Variants in ROCK1 observed in about 807,000 individuals in gnomAD.
ROCK1 encodes rho-associated protein kinase 1.
In ROCK1, 36 loss-of-function variants were observed where a neutral mutation model predicts 196.8. The ratio of observed to expected loss-of-function variants is 0.18; its 90% CI spans 0.14 to 0.24. ROCK1 has a LOEUF of 0.24. Ranked by LOEUF, ROCK1 falls within the 10% of genes least tolerant of loss-of-function variation. The probability of loss-of-function intolerance (pLI) is 1.00; values close to 1 mark genes in which losing one functional copy is unlikely to be tolerated. For synonymous variants in ROCK1, 443 were observed against 515.9 expected, an observed-to-expected ratio of 0.86 and a Z score of 1.91; for missense variants, 920 against 1,562.0, an observed-to-expected ratio of 0.59 and a Z score of 6.93.
intron 9 of ROCK1, among the ~76,000 whole-genome samples, chr18:21,039,260 T>C (rs2036084279): frequency 6.6e-6 from 1 of 152,142 alleles, no homozygotes; most frequent in Admixed American, 6.5e-5. Flanking sequence ...TACATTTATA[T>C]TTCATCTGGG....
intron 16 of ROCK1, among the ~76,000 whole-genome samples, chr18:21,003,829 G>A (rs1455586526): frequency 1.3e-5 from 2 of 151,890 alleles, no homozygotes; most frequent in East Asian, 3.8e-4. Flanking sequence ...TACTCAACTG[G>A]TAAGTATACA....
chr18:21,000,330 T>C (rs2035712850), intron 16 of ROCK1, among the ~76,000 whole-genome samples: 1 of 152,074 alleles, frequency 6.6e-6, no homozygotes, highest in Admixed American at 6.5e-5. Context: ...TGGTGCAATC[T>C]TGGCTCACTG....
rs1366213393 is a variant in ROCK1 at position 20,959,119 on chromosome 18, TAATATATATATTATATATATTATATAA to T, written c.3512+694_3512+720del. On this transcript the variant is annotated intron_variant, in intron 29 of 32. Coordinates refer to ENST00000399799, the MANE Select transcript of ROCK1 (RefSeq NM_005406.3). Reference sequence around the variant, plus strand: ...ATATATATATTATATATATATTATATAATATATATATTATATATATTATATAAAATATATATATTATATATTATATAA... The same window carrying T: ...ATATATATATTATATATATATTATATAATATATATATTATATATTATATAA... Among the ~76,000 whole-genome samples, 130 of 54,664 alleles carry T rather than the reference TAATATATATATTATATATATTATATAA, an allele frequency of 2.4e-3. 2 individuals are homozygous for T. The Middle Eastern group carries it at 0.029, about 12-fold the overall frequency. 35.9% of individuals were successfully genotyped at this position (54,664 alleles called of 152,430 possible). A position where few individuals can be genotyped will look rare whatever the true frequency, so the allele number is the denominator to read the frequency against.
chr18:21,043,205 T>C (rs774177279), intron 6 of ROCK1, among the ~76,000 whole-genome samples: 5 of 152,056 alleles, frequency 3.3e-5, no homozygotes, highest in Admixed American at 2.6e-4. Flanking sequence ...TTTAACTATG[T>C]TTGAAACTAC....
rs2035148062 is a variant in ROCK1 at position 20,948,192 on chromosome 18, TCTA to T, written c.*3189_*3191del. The T allele has an allele frequency of 1.3e-5, 2 of 152,212 alleles. No homozygotes were observed. The highest frequency in any genetic ancestry group is 4.8e-5 in the African/African-American group (2 of 41,442). The allele number at this position is 152,212 out of a possible 1,614,324, so 9.4% of individuals were successfully genotyped here. A position where few individuals can be genotyped will look rare whatever the true frequency, so the allele number is the denominator to read the frequency against. The stretch of plus-strand genomic sequence containing the variant: ...TTGGGAGGGATTACAAAGTTGGACT[TCTA>T]CTACAGATATAAAATCTTATTATAA... On this transcript the variant is annotated 3_prime_UTR_variant, in exon 33 of 33. Coordinates refer to ENST00000399799, the MANE Select transcript of ROCK1 (RefSeq NM_005406.3).
chr18:21,083,126 T>A (rs1207493942), intron 1 of ROCK1, among the ~76,000 whole-genome samples: 1 of 152,116 alleles, frequency 6.6e-6, no homozygotes, highest in Non-Finnish European at 1.5e-5. Context: ...GAAGAATAAA[T>A]TTAACTGAGG....
rs891677889 is a variant in ROCK1 at position 20,984,682 on chromosome 18, C to T, written c.2305-147G>A. On this transcript the variant is annotated intron_variant, in intron 19 of 32. Transcript: ENST00000399799. ...ATTTTAAAGAGTCTTCATTGTTCCA[C>T]GTGTTTATTACAGTAGATTTACTAT... 39 of 597,218 alleles carry T rather than the reference C, an allele frequency of 6.5e-5. 1 individual carries two copies. Among genetic ancestry groups the T allele is most frequent in the African/African-American group, 3.4e-4 (18 of 53,042 alleles). 37.0% of individuals were successfully genotyped at this position (597,218 alleles called of 1,614,324 possible). A position where few individuals can be genotyped will look rare whatever the true frequency, so the allele number is the denominator to read the frequency against.
At chr18:21,045,217 G>T in intron 5 of ROCK1, 75 bp downstream of exon 5, 1 of 1,303,516 alleles carries the variant, frequency 7.7e-7, no homozygotes, top group Non-Finnish European at 1.0e-6. Flanking sequence ...GGTGAACTGA[G>T]AGTAAGAAAT....
At chr18:21,075,755 C>T (rs1598553718) in intron 1 of ROCK1, among the ~76,000 whole-genome samples, 3 of 151,708 alleles carry the variant, frequency 2.0e-5, no homozygotes, top group Admixed American at 2.0e-4. Flanking sequence ...GAGTTTGAGA[C>T]CAGCCTGACC....
intron 31 of ROCK1, among the ~76,000 whole-genome samples, chr18:20,954,358 C>T (rs1285450590): frequency 6.8e-6 from 1 of 148,114 alleles, no homozygotes; most frequent in East Asian, 1.9e-4. Context: ...GGGTGGATCA[C>T]CTGATGTCAG....
At chr18:21,078,757 G>T (rs1208233091) in intron 1 of ROCK1, among the ~76,000 whole-genome samples, 1 of 152,140 alleles carries the variant, frequency 6.6e-6, no homozygotes, top group Non-Finnish European at 1.5e-5. Context: ...GGGGATTCAG[G>T]ACTTTACAAG....
chr18:21,086,364 G>C (rs977385179), intron 1 of ROCK1, among the ~76,000 whole-genome samples: 3 of 152,056 alleles, frequency 2.0e-5, no homozygotes, highest in African/African-American at 7.3e-5. Flanking sequence ...CGCCCACCTA[G>C]GCATCCCAAA....
At chr18:21,110,300 C>G (rs904891051) in intron 1 of ROCK1, among the ~76,000 whole-genome samples, 2 of 152,150 alleles carry the variant, frequency 1.3e-5, no homozygotes, top group Non-Finnish European at 2.9e-5. Context: ...AAAGTTCCTT[C>G]AAACTCAAAT....
intron 4 of ROCK1, 128 bp from the exon 5 acceptor site, chr18:21,045,595 T>C (rs1598541924): frequency 1.4e-6 from 1 of 736,598 alleles, no homozygotes; most frequent in Non-Finnish European, 2.1e-6. Context: ...GTTGCAAGTC[T>C]AGTTTTAAAA....
chr18:21,051,705 A>C (rs750406332), intron 2 of ROCK1, among the ~76,000 whole-genome samples: 21 of 152,292 alleles, frequency 1.4e-4, no homozygotes, highest in Non-Finnish European at 2.5e-4. Context: ...CTCTACATGA[A>C]ATAGATCAAA....
At chr18:20,971,736 C>CA (rs943853445) in intron 22 of ROCK1, among the ~76,000 whole-genome samples, 5 of 150,736 alleles carry the variant, frequency 3.3e-5, no homozygotes, top group African/African-American at 1.2e-4. Flanking sequence ...ACAGCAGTAA[C>CA]AAAGTTCCTG....
At chr18:21,023,465 C>G (rs1458718105) in intron 11 of ROCK1, among the ~76,000 whole-genome samples, 155 bp downstream of exon 11, 2 of 152,066 alleles carry the variant, frequency 1.3e-5, no homozygotes, top group African/African-American at 4.8e-5. Flanking sequence ...AAAAATCAGA[C>G]TGAAAAGGAG....
chr18:21,029,832 T>A (rs2143480753), intron 9 of ROCK1, among the ~76,000 whole-genome samples: 1 of 152,260 alleles, frequency 6.6e-6, no homozygotes, highest in East Asian at 1.9e-4. Context: ...AGAAAATTTA[T>A]TTTTTAGCTT....
intron 2 of ROCK1, among the ~76,000 whole-genome samples, chr18:21,067,404 T>TG (rs1568400237): frequency 6.8e-6 from 1 of 147,650 alleles, no homozygotes; most frequent in African/African-American, 2.5e-5. Context: ...TTTTTTTTTT[T>TG]GAGACAAAGT....
Sources: gnomAD v4.1 joint callset for allele counts (sites outside exome capture counted in the v4.1 genomes callset) on GRCh38, gnomAD v4.1.1 for gene constraint, MANE v1.5 for transcripts, NCBI Gene and HGNC (gene_info 2026-07-23, HGNC 2026-07-21) for gene names.